MAGT1: variants seen among roughly 807,000 people sequenced by gnomAD.
MAGT1 encodes magnesium transporter 1.
A neutral mutation model predicts 28.4 loss-of-function variants in MAGT1; 4 were observed. The ratio of observed to expected loss-of-function variants is 0.14; its 90% confidence interval spans 0.07 to 0.32. The LOEUF is 0.32. Ranked by LOEUF, MAGT1 falls within the 10% of genes least tolerant of loss-of-function variation. MAGT1 has a pLI of 1.00. For synonymous variants in MAGT1, 89 were observed against 89.7 expected (o/e 0.99, Z 0.04); for missense variants, 193 against 264.5 (o/e 0.73, Z 1.88).
At chrX:77,830,301 G>A (rs2076893933) in intron 9 of MAGT1, among the ~76,000 whole-genome samples, 1 of 112,012 alleles carries the variant, frequency 8.9e-6, no homozygotes, top group Non-Finnish European at 1.9e-5. Context: ...CAGCCTGAGT[G>A]ACAGAGTGAG....
intron 7 of MAGT1, among the ~76,000 whole-genome samples, chrX:77,850,569 C>T (rs1412057194): frequency 9.2e-6 from 1 of 108,584 alleles, no homozygotes; most frequent in Non-Finnish European, 1.9e-5. Context: ...ATTTCTGGTA[C>T]ACAGCACTTA....
At chrX:77,887,918 G>A (rs1251004594) in intron 1 of MAGT1, among the ~76,000 whole-genome samples, 2 of 111,231 alleles carry the variant, frequency 1.8e-5, no homozygotes, top group African/African-American at 3.3e-5. Context: ...AGTGATTCTC[G>A]TGCCTCAGCC....
intron 1 of MAGT1, among the ~76,000 whole-genome samples, chrX:77,876,838 A>AC (rs1350418659): frequency 1.8e-5 from 2 of 109,439 alleles, no homozygotes; most frequent in African/African-American, 6.7e-5. Flanking sequence ...AGATGGAGAA[A>AC]CCCCGTCTGT....
chrX:77,866,461 G>A (rs1557216926), intron 3 of MAGT1, among the ~76,000 whole-genome samples: 1 of 66,624 alleles, frequency 1.5e-5, no homozygotes, highest in African/African-American at 3.5e-5. Context: ...CACATCTTGT[G>A]GACAAGGGCC....
Position 77,828,976 on chromosome X carries a change from G to A in MAGT1, c.*244C>T. ...TATACTTAATTGTACTAAATTAAAT[G>A]TTCCATAAAGTTCACTGGGAAGAGA... On this transcript the variant is annotated 3_prime_UTR_variant, in exon 10 of 10. Coordinates refer to ENST00000618282, the MANE Select transcript of MAGT1 (RefSeq NM_001367916.1). 3.2e-6 allele frequency: 1 copy of A among 310,102 alleles called. No individual in the cohort carries two copies. 25.6% of individuals were successfully genotyped at this position (310,102 alleles called of 1,213,427 possible). A position where few individuals can be genotyped will look rare whatever the true frequency, so the allele number is the denominator to read the frequency against.
At chrX:77,884,116 C>T (rs782670280) in intron 1 of MAGT1, among the ~76,000 whole-genome samples, 12 of 111,307 alleles carry the variant, frequency 1.1e-4, no homozygotes, top group Non-Finnish European at 1.9e-4. Flanking sequence ...TCACTTGAAC[C>T]TGGGAGGTGG....
At chrX:77,887,967 C>T (rs906409088) in intron 1 of MAGT1, among the ~76,000 whole-genome samples, 13 of 110,923 alleles carry the variant, frequency 1.2e-4, no homozygotes, top group Admixed American at 3.9e-4. Context: ...TGCACCACCA[C>T]GCCCAGCTAA....
intron 8 of MAGT1, among the ~76,000 whole-genome samples, chrX:77,835,991 C>T (rs371247590): frequency 7.2e-5 from 8 of 110,855 alleles, no homozygotes; most frequent in Non-Finnish European, 1.3e-4. Flanking sequence ...TTAGTAGATA[C>T]GGGGTTTTAC....
intron 8 of MAGT1, among the ~76,000 whole-genome samples, chrX:77,834,217 T>TATATATATGCATATATGTATATATATGC (rs1278407655): frequency 2.0e-5 from 2 of 99,558 alleles, no homozygotes; most frequent in African/African-American, 7.3e-5. Context: ...TACATGTGTG[T>TATATATATGCATATATGTATATATATGC]ATATATATGC....
At chrX:77,861,636 G>A (rs1177077178) in intron 3 of MAGT1, among the ~76,000 whole-genome samples, 2 of 112,472 alleles carry the variant, frequency 1.8e-5, no homozygotes, top group Non-Finnish European at 3.8e-5. Context: ...ATAGCCAAAA[G>A]CTGGAAGCAA....
intron 3 of MAGT1, among the ~76,000 whole-genome samples, chrX:77,858,662 A>G (rs1473177528): frequency 9.0e-6 from 1 of 111,526 alleles, no homozygotes; most frequent in Non-Finnish European, 1.9e-5. Context: ...AATGTGGTAA[A>G]TTAATGAATT....
At chrX:77,832,488 C>T (rs781815897) in intron 8 of MAGT1, among the ~76,000 whole-genome samples, 1 of 111,336 alleles carries the variant, frequency 9.0e-6, no homozygotes, top group Non-Finnish European at 1.9e-5. Flanking sequence ...ATGTGGCCCA[C>T]AGACTGGACA....
At chrX:77,868,742 C>T (rs782720573) in intron 3 of MAGT1, 84 of 260,255 alleles carry the variant, frequency 3.2e-4, no homozygotes, top group Non-Finnish European at 4.9e-4. Flanking sequence ...ATTGCTTGAA[C>T]CCAAAAGGCA....
chrX:77,833,909 C>A (rs1187176485), intron 8 of MAGT1, among the ~76,000 whole-genome samples: 2 of 110,668 alleles, frequency 1.8e-5, no homozygotes, highest in African/African-American at 6.6e-5. Flanking sequence ...ACCAAAACAG[C>A]ATAGTACTGG....
chrX:77,846,659 C>A (rs969378200), intron 7 of MAGT1, among the ~76,000 whole-genome samples: 17 of 112,402 alleles, frequency 1.5e-4, no homozygotes, highest in African/African-American at 5.5e-4. Context: ...ACAGTCAGCA[C>A]CCTCAGCTGC....
chrX:77,855,023 C>A (rs1455990946), intron 6 of MAGT1, among the ~76,000 whole-genome samples: 1 of 111,655 alleles, frequency 9.0e-6, no homozygotes, highest in African/African-American at 3.2e-5. Flanking sequence ...AAGAGCACTG[C>A]GGCCGGGTGC....
Position 77,856,782 on chromosome X carries a change from C to T in MAGT1, c.623G>A (p.Ser208Asn). The change falls in exon 5 of 10, where the codon AGT becomes AAT. Residue 208 changes from serine (S) to asparagine (N), a missense_variant. Transcript: ENST00000618282. ...VIGGLVYLRR[S>N]NMEFLFNKTG... ...TTTATTAAAGAGAAATTCCATATTA[C>T]TTCTTCGAAGATACACAAGTCCACC... is the stretch of plus-strand genomic sequence containing the variant. The T allele has an allele frequency of 8.3e-7, 1 of 1,208,334 alleles. No individual in the cohort carries two copies. The highest frequency in any genetic ancestry group is 1.1e-6 in the Non-Finnish European group (1 of 892,681).
intron 7 of MAGT1, among the ~76,000 whole-genome samples, chrX:77,846,240 C>G (rs1557214906): frequency 8.9e-6 from 1 of 112,101 alleles, no homozygotes; most frequent in South Asian, 3.7e-4. Context: ...ACTGAGGCTT[C>G]TGCATTCATC....
chrX:77,887,084 T>C (rs1211366355), intron 1 of MAGT1, among the ~76,000 whole-genome samples: 1 of 111,130 alleles, frequency 9.0e-6, no homozygotes, highest in East Asian at 2.8e-4. Context: ...ATTTCTTGTT[T>C]TCTCTCTCTC....
Sources: gnomAD v4.1 joint callset for allele counts (sites outside exome capture counted in the v4.1 genomes callset) on GRCh38, gnomAD v4.1.1 for gene constraint, MANE v1.5 for transcripts, NCBI Gene and HGNC (gene_info 2026-07-23, HGNC 2026-07-21) for gene names.